Variants in ANTXRL observed in about 807,000 individuals in gnomAD.
The protein encoded by ANTXRL is ANTXR like.
A neutral mutation model predicts 75.4 loss-of-function variants in ANTXRL; 63 were observed. That is an observed-to-expected ratio of 0.84 (90% confidence interval 0.68 to 1.03). ANTXRL has a LOEUF of 1.03. ANTXRL is among the 50% of genes least tolerant of loss of function. The probability of loss-of-function intolerance (pLI) is 0.00; values close to 1 mark genes in which losing one functional copy is unlikely to be tolerated. For missense variants in ANTXRL, 797 were observed against 789.4 expected, an observed-to-expected ratio of 1.01 and a Z score of -0.12; for synonymous variants, 335 against 291.3, an observed-to-expected ratio of 1.15 and a Z score of -1.53.
At chr10:46,302,854 A>G (rs2070177825) in intron 10 of ANTXRL, 34 bp downstream of exon 10, 1 of 1,439,922 alleles carries the variant, frequency 6.9e-7, no homozygotes, top group African/African-American at 1.4e-5. Context: ...TGAGTCACGT[A>G]TTTCCCACAC....
At chr10:46,307,164 T>C (rs1158115821) in intron 11 of ANTXRL, among the ~76,000 whole-genome samples, 1 of 152,032 alleles carries the variant, frequency 6.6e-6, no homozygotes, top group Non-Finnish European at 1.5e-5. Context: ...ACTCTGTAAA[T>C]ACAGAAGAGC....
At chr10:46,310,253 G>A (rs1299058491) in intron 13 of ANTXRL, among the ~76,000 whole-genome samples, 2 of 152,126 alleles carry the variant, frequency 1.3e-5, no homozygotes, top group African/African-American at 4.8e-5. Flanking sequence ...CGGCGGTACA[G>A]GGGTTCCCCT....
chr10:46,320,506 C>T (rs1838930664), intron 16 of ANTXRL, among the ~76,000 whole-genome samples: 1 of 152,120 alleles, frequency 6.6e-6, no homozygotes, highest in Non-Finnish European at 1.5e-5. Context: ...CCTAGGTGGG[C>T]ATATTGCTTG....
intron 9 of ANTXRL, among the ~76,000 whole-genome samples, chr10:46,301,468 C>T (rs111241003): frequency 0.031 from 4,719 of 152,236 alleles, 263 homozygotes; most frequent in African/African-American, 0.11. Context: ...AGGCTGGCAC[C>T]TTGAGCAGGA....
At position 46,329,878 on chromosome 10, in the gene ANTXRL, T is replaced by C; in HGVS notation, c.1690T>C (p.Phe564Leu). The C allele has an allele frequency of 2.0e-6, 3 of 1,534,678 alleles. 1 individual carries two copies. In the African/African-American group the frequency reaches 4.1e-5, roughly 21 times the overall value. Reference protein sequence around the residue: ...RICLRHSPEYFSQAQTLCNPK... With the variant: ...RICLRHSPEYLSQAQTLCNPK... Reference sequence around the variant, plus strand: ...CTGCCTGAGACACAGCCCGGAGTACTTTTCCCAAGCACAGACTCTGTGCAA... The same window carrying C: ...CTGCCTGAGACACAGCCCGGAGTACCTTTCCCAAGCACAGACTCTGTGCAA... The change falls in exon 17 of 17, where the codon TTT (phenylalanine) becomes CTT (leucine). Residue 564 changes from phenylalanine (F) to leucine (L), a missense_variant. Physicochemically the swap from Phe to Leu is conservative, Grantham distance 22. Coordinates refer to ENST00000620264, the MANE Select transcript of ANTXRL (RefSeq NM_001278688.3).
At chr10:46,308,651 C>T (rs1838245091) in intron 12 of ANTXRL, 4 of 350,560 alleles carry the variant, frequency 1.1e-5, no homozygotes, top group South Asian at 2.2e-5. Context: ...GAGGGCGGCT[C>T]ATTCCCTTTG....
chr10:46,293,506 CCT>C (rs1491114826), intron 2 of ANTXRL, among the ~76,000 whole-genome samples: 1 of 79,898 alleles, frequency 1.3e-5, no homozygotes, highest in Admixed American at 1.3e-4. Context: ...GGTGTGTGCA[CCT>C]GTGTGTGTGT....
chr10:46,313,188 G>A, intron 15 of ANTXRL, 48 bp from the exon 16 acceptor site: 1 of 1,482,792 alleles, frequency 6.7e-7, no homozygotes, highest in Non-Finnish European at 9.1e-7. Flanking sequence ...GCCTTCTGGA[G>A]GCAGTGTCCA....
upstream of ANTXRL, among the ~76,000 whole-genome samples, chr10:46,286,614 A>T (rs1286659088): frequency 6.6e-6 from 1 of 152,166 alleles, no homozygotes; most frequent in African/African-American, 2.4e-5. Context: ...GGTCTGTTAC[A>T]CAGCAGTAGA....
At chr10:46,325,909 T>C (rs782755505) in intron 16 of ANTXRL, among the ~76,000 whole-genome samples, 2 of 152,110 alleles carry the variant, frequency 1.3e-5, no homozygotes, top group Admixed American at 6.5e-5. Context: ...CCCAATATTA[T>C]GTGAATAAAT....
rs536218164 is a variant in ANTXRL at position 46,293,371 on chromosome 10, C to G, written c.321-458C>G. On this transcript the variant is annotated intron_variant, in intron 2 of 16. Transcript: ENST00000620264. ...GTGCATGTGTGTGCATGTGAGTGTG[C>G]CTGTGTGTGAGTGTGTGCCTGTGTG... is the stretch of plus-strand genomic sequence containing the variant. 3.1e-3 allele frequency among the ~76,000 whole-genome samples: 362 copies of G among 115,150 alleles called. 2 individuals are homozygous for G. The highest frequency in any genetic ancestry group is 0.012 in the African/African-American group (336 of 28,438). 75.5% of individuals were successfully genotyped at this position (115,150 alleles called of 152,430 possible).
intron 16 of ANTXRL, among the ~76,000 whole-genome samples, chr10:46,322,178 AC>A (rs1304549881): frequency 6.6e-6 from 1 of 152,096 alleles, no homozygotes; most frequent in Non-Finnish European, 1.5e-5. Flanking sequence ...ACATACTGAT[AC>A]CCCGTTGAGG....
At position 46,313,442 on chromosome 10, in the gene ANTXRL, A is replaced by T; in HGVS notation, c.1410+126A>T. 3 of 1,005,508 alleles carry T rather than the reference A, an allele frequency of 3.0e-6. No homozygotes were observed. The South Asian group carries it at 4.1e-5, about 14-fold the overall frequency. 62.3% of individuals were successfully genotyped at this position (1,005,508 alleles called of 1,614,324 possible). On this transcript the variant is annotated intron_variant, in intron 16 of 16. Transcript: ENST00000620264. ...TCTGCAAAAGAGGACGGCACAAGAC[A>T]CACAGAAACGGTGCCCATGGGCATC...
chr10:46,295,720 C>T (rs1837338144), intron 3 of ANTXRL, among the ~76,000 whole-genome samples: 1 of 152,106 alleles, frequency 6.6e-6, no homozygotes, highest in Non-Finnish European at 1.5e-5. Flanking sequence ...AGCCCCATTG[C>T]AGTTCCTGAC....
intron 4 of ANTXRL, 39 bp from the exon 5 acceptor site, chr10:46,296,179 TC>T: frequency 1.3e-6 from 2 of 1,535,766 alleles, no homozygotes. Context: ...AGTGGGAGCA[TC>T]TCACTGTCCA....
At chr10:46,296,464 C>T (rs4390286) in intron 5 of ANTXRL, among the ~76,000 whole-genome samples, 61,309 of 151,824 alleles carry the variant, frequency 0.4, 12,155 homozygotes, top group Non-Finnish European at 0.48. Context: ...TGGGATCCTG[C>T]GTGTGCAGTT....
chr10:46,310,087 G>A (rs1234530468), intron 13 of ANTXRL, among the ~76,000 whole-genome samples: 1 of 152,142 alleles, frequency 6.6e-6, no homozygotes, highest in Non-Finnish European at 1.5e-5. Context: ...GGAGGTCAGG[G>A]AGGGCTCCTG....
chr10:46,317,763 A>AC (rs1176311353), intron 16 of ANTXRL, among the ~76,000 whole-genome samples: 1 of 152,166 alleles, frequency 6.6e-6, no homozygotes, highest in East Asian at 1.9e-4. Flanking sequence ...GGAAATACAA[A>AC]GATTGAGCCA....
intron 1 of ANTXRL, among the ~76,000 whole-genome samples, chr10:46,290,297 C>T (rs1427351787): frequency 1.3e-5 from 2 of 152,144 alleles, no homozygotes; most frequent in African/African-American, 4.8e-5. Context: ...CGGCCTTGGC[C>T]TTCCAAAGCG....
Sources: gnomAD v4.1 joint callset for allele counts (sites outside exome capture counted in the v4.1 genomes callset) on GRCh38, gnomAD v4.1.1 for gene constraint, MANE v1.5 for transcripts, NCBI Gene and HGNC (gene_info 2026-07-23, HGNC 2026-07-21) for gene names.